DIS3L2: variants seen among roughly 807,000 people sequenced by gnomAD.
DIS3L2 encodes DIS3 like 3'-5' exoribonuclease 2.
In DIS3L2, 34 loss-of-function variants were observed where a neutral mutation model predicts 97.5. The observed-to-expected ratio is 0.35, with a 90% confidence interval of 0.27 to 0.46. The LOEUF (loss-of-function observed/expected upper bound fraction) is 0.46, where lower values mean the gene tolerates loss of function less well. DIS3L2 is among the 20% of genes least tolerant of loss of function. The probability of loss-of-function intolerance (pLI) is 1.00; values close to 1 mark genes in which losing one functional copy is unlikely to be tolerated. For synonymous variants in DIS3L2, 435 were observed against 445.2 expected (o/e 0.98, Z 0.29); for missense variants, 1,038 against 1,146.0 (o/e 0.91, Z 1.36).
At chr2:232,169,830 A>G (rs1270193311) in intron 9 of DIS3L2, among the ~76,000 whole-genome samples, 3 of 152,186 alleles carry the variant, frequency 2.0e-5, no homozygotes, top group African/African-American at 7.2e-5. Flanking sequence ...CTCATAATCC[A>G]ATTATGTCAG....
chr2:231,996,627 G>A (rs945938473), intron 1 of DIS3L2, among the ~76,000 whole-genome samples: 3 of 152,116 alleles, frequency 2.0e-5, no homozygotes, highest in African/African-American at 4.8e-5. Flanking sequence ...TACATTTGCC[G>A]TGTTTATCTT....
intron 9 of DIS3L2, among the ~76,000 whole-genome samples, chr2:232,189,326 A>G (rs1267117961): frequency 1.3e-5 from 2 of 152,236 alleles, no homozygotes; most frequent in Non-Finnish European, 2.9e-5. Flanking sequence ...AACAGCCCAG[A>G]TGTCCTTCAG....
At chr2:232,140,867 C>T (rs1192678762) in intron 8 of DIS3L2, among the ~76,000 whole-genome samples, 2 of 152,158 alleles carry the variant, frequency 1.3e-5, no homozygotes, top group Non-Finnish European at 2.9e-5. Context: ...GAACCTTGTT[C>T]ACCTCTCTAT....
At chr2:232,047,684 C>G (rs1007890966) in intron 5 of DIS3L2, among the ~76,000 whole-genome samples, 1 of 152,150 alleles carries the variant, frequency 6.6e-6, no homozygotes, top group Non-Finnish European at 1.5e-5. Flanking sequence ...TTATTCACCC[C>G]CAAAAGAATC....
chr2:232,112,432 T>G (rs1364397810), intron 6 of DIS3L2, among the ~76,000 whole-genome samples: 2 of 152,196 alleles, frequency 1.3e-5, no homozygotes, highest in Non-Finnish European at 2.9e-5. Context: ...GATACTAGTC[T>G]TCGGGTGCAC....
chr2:232,087,171 G>A lies in DIS3L2; in HGVS notation c.367-316G>A, dbSNP rs554099218. Among the ~76,000 whole-genome samples, 57 of 152,156 alleles carry A rather than the reference G, an allele frequency of 3.7e-4. 1 individual carries two copies. In the South Asian group the frequency reaches 0.011, roughly 30 times the overall value. On this transcript the variant is annotated intron_variant, in intron 5 of 20. Transcript: ENST00000325385. ...TTCCTATATGGTGAGGGTTTATGAA[G>A]CAGCATGGTACTACTTCTGGTATTC...
At chr2:232,008,841 A>T (rs77192036) in intron 1 of DIS3L2, among the ~76,000 whole-genome samples, 2 of 152,324 alleles carry the variant, frequency 1.3e-5, no homozygotes, top group East Asian at 3.9e-4. Flanking sequence ...AGACATCAAA[A>T]ATTTAAAAAA....
intron 6 of DIS3L2, among the ~76,000 whole-genome samples, chr2:232,100,336 CT>C (rs544132388): frequency 4.2e-4 from 63 of 151,656 alleles, no homozygotes; most frequent in African/African-American, 1.4e-3. Flanking sequence ...CACACCTGGC[CT>C]TTTTTTTCCT....
intron 1 of DIS3L2, among the ~76,000 whole-genome samples, chr2:232,004,336 G>A (rs1574803459): frequency 6.6e-6 from 1 of 152,182 alleles, no homozygotes; most frequent in East Asian, 1.9e-4. Flanking sequence ...ACCCCACAAA[G>A]TGCTGGGATT....
intron 10 of DIS3L2, among the ~76,000 whole-genome samples, chr2:232,235,256 A>G (rs1385318634): frequency 6.6e-6 from 1 of 152,254 alleles, no homozygotes; most frequent in East Asian, 1.9e-4. Flanking sequence ...GAATGCTTTC[A>G]TATGAAAGCC....
Position 232,161,565 on chromosome 2 carries a change from G to A in DIS3L2, c.951-1894G>A, listed in dbSNP as rs2106375532. Among the ~76,000 whole-genome samples the A allele has an allele frequency of 1.3e-5, 2 of 152,194 alleles. 1 individual carries two copies. The highest frequency in any genetic ancestry group is 4.2e-4 in the South Asian group (2 of 4,816). ...GGCTCGCTGCAACCTCCATTTCCTGGATTTAAGTGATTCCTTTGCCTCAGC... is the reference window on the plus strand; with the variant it reads ...GGCTCGCTGCAACCTCCATTTCCTGAATTTAAGTGATTCCTTTGCCTCAGC... On this transcript the variant is annotated intron_variant, in intron 8 of 20. Coordinates refer to ENST00000325385, the MANE Select transcript of DIS3L2 (RefSeq NM_152383.5).
At chr2:232,069,713 G>C (rs1345451243) in intron 5 of DIS3L2, among the ~76,000 whole-genome samples, 1 of 152,156 alleles carries the variant, frequency 6.6e-6, no homozygotes, top group Non-Finnish European at 1.5e-5. Context: ...AGGATGGAAT[G>C]TAATTCTGGA....
chr2:232,297,051 C>T (rs932451479), intron 13 of DIS3L2, among the ~76,000 whole-genome samples: 8 of 152,200 alleles, frequency 5.3e-5, no homozygotes, highest in Non-Finnish European at 2.9e-5. Context: ...GTTACTGGCA[C>T]ATAATTAGAT....
rs2106281022 is a variant in DIS3L2, at chr2:232,263,268, A to G, written c.1487A>G (p.His496Arg). 1 of 1,614,232 alleles carries G rather than the reference A, an allele frequency of 6.2e-7. No individual in the cohort carries two copies. The change falls in exon 13 of 21, where the codon CAT becomes CGT. Residue 496 changes from histidine to arginine, a missense_variant. Physicochemically the swap from His to Arg is conservative, Grantham distance 29. This residue lies in a region of DIS3L2 where 813 missense variants were observed against 880.1 expected (regional missense o/e 0.92). Coordinates refer to ENST00000325385, the MANE Select transcript of DIS3L2 (RefSeq NM_152383.5). Reference protein sequence around the residue: ...IRSCTKLSYEHAQSMIESPTE... With the variant: ...IRSCTKLSYERAQSMIESPTE... The stretch of plus-strand genomic sequence containing the variant: ...TCCTGCACCAAACTTAGCTACGAGC[A>G]TGCACAGAGCATGATTGAAAGCCCA...
intron 1 of DIS3L2, among the ~76,000 whole-genome samples, chr2:231,962,211 C>A (rs1352239928): frequency 6.6e-6 from 1 of 152,094 alleles, no homozygotes; most frequent in Non-Finnish European, 1.5e-5. Flanking sequence ...TTAATTATAA[C>A]ATGTCCTTGA....
chr2:232,282,066 G>T lies in DIS3L2; in HGVS notation c.1660-17974G>T, dbSNP rs541823859. Among the ~76,000 whole-genome samples, 428 of 146,024 alleles carry T rather than the reference G, an allele frequency of 2.9e-3. 1 individual carries two copies. The highest frequency in any genetic ancestry group is 4.7e-3 in the Non-Finnish European group (317 of 67,398). ...ACTGTGGAGCAGGAGGAAACCAGCCGTCCTTCCTCCTTGCTTGCACCCTCC... is the reference window on the plus strand; with the variant it reads ...ACTGTGGAGCAGGAGGAAACCAGCCTTCCTTCCTCCTTGCTTGCACCCTCC... On this transcript the variant is annotated intron_variant, in intron 13 of 20. Coordinates refer to ENST00000325385, the MANE Select transcript of DIS3L2 (RefSeq NM_152383.5).
At chr2:232,040,004 G>A (rs1170555075) in intron 5 of DIS3L2, among the ~76,000 whole-genome samples, 1 of 152,150 alleles carries the variant, frequency 6.6e-6, no homozygotes, top group Non-Finnish European at 1.5e-5. Context: ...TTGCGCTTAA[G>A]GAGTTCATAG....
intron 14 of DIS3L2, among the ~76,000 whole-genome samples, chr2:232,306,130 C>T (rs1331390305): frequency 6.6e-6 from 1 of 152,210 alleles, no homozygotes; most frequent in Non-Finnish European, 1.5e-5. Flanking sequence ...GTCTCACCTC[C>T]TGGGTAGGCC....
intron 6 of DIS3L2, among the ~76,000 whole-genome samples, chr2:232,095,183 C>G (rs936923699): frequency 2.0e-5 from 3 of 152,134 alleles, no homozygotes; most frequent in African/African-American, 7.2e-5. Context: ...AGGACTTACT[C>G]CTGCCATTTT....
Sources: allele counts gnomAD v4.1 joint callset (sites outside exome capture counted in the v4.1 genomes callset), GRCh38; gene constraint gnomAD v4.1.1; regional missense constraint gnomAD v4.1.1; transcripts MANE v1.5; gene names NCBI Gene and HGNC (gene_info 2026-07-23, HGNC 2026-07-21).